The following LRP1B variants were observed in gnomAD, a reference collection of about 807,000 sequenced individuals.
LRP1B encodes the protein LDL receptor related protein 1B.
A neutral mutation model predicts 556.6 loss-of-function variants in LRP1B; 217 were observed. That is an observed-to-expected ratio of 0.39 (90% confidence interval 0.35 to 0.44). The LOEUF is 0.44. Ranked by LOEUF, LRP1B falls within the 20% of genes least tolerant of loss-of-function variation. LRP1B has a pLI of 1.00. For synonymous variants in LRP1B, 2,047 were observed against 1,865.8 expected (o/e 1.10, Z -2.50); for missense variants, 5,053 against 5,620.8 (o/e 0.90, Z 3.23).
chr2:141,124,356 T>C (rs980687000), intron 7 of LRP1B, among the ~76,000 whole-genome samples: 2 of 152,188 alleles, frequency 1.3e-5, no homozygotes, highest in Admixed American at 6.6e-5. Context: ...ACAAGAGCTA[T>C]GATAGTTAGA....
intron 68 of LRP1B, among the ~76,000 whole-genome samples, chr2:140,377,175 A>G (rs1683271997): frequency 2.0e-5 from 3 of 152,130 alleles, no homozygotes; most frequent in African/African-American, 4.8e-5. Context: ...TCCCAGGTTC[A>G]AGCGATTCCC....
chr2:141,675,188 T>G (rs1404035073), intron 2 of LRP1B, among the ~76,000 whole-genome samples: 1 of 151,980 alleles, frequency 6.6e-6, no homozygotes, highest in African/African-American at 2.4e-5. Flanking sequence ...AAACATTTCT[T>G]TCCATTCTTA....
chr2:141,310,481 C>T (rs1009548207), intron 3 of LRP1B, among the ~76,000 whole-genome samples: 3 of 152,138 alleles, frequency 2.0e-5, no homozygotes, highest in Non-Finnish European at 4.4e-5. Flanking sequence ...TATATACCTT[C>T]CATTCATCAT....
intron 1 of LRP1B, among the ~76,000 whole-genome samples, chr2:141,879,350 G>T (rs983072956): frequency 4.6e-5 from 7 of 151,844 alleles, no homozygotes; most frequent in African/African-American, 1.7e-4. Context: ...GAAAAACAAA[G>T]ACTTGATATA....
chr2:141,521,805 A>G (rs1200318423), intron 2 of LRP1B, among the ~76,000 whole-genome samples: 1 of 152,098 alleles, frequency 6.6e-6, no homozygotes, highest in Non-Finnish European at 1.5e-5. Context: ...TCTGGATTCT[A>G]TTAAGGACAA....
chr2:141,506,161 T>G (rs747268372), intron 2 of LRP1B, among the ~76,000 whole-genome samples: 12 of 152,102 alleles, frequency 7.9e-5, no homozygotes. Flanking sequence ...AACAGCTTTG[T>G]TAATGGATTT....
chr2:141,885,234 A>T (rs1366119824), intron 1 of LRP1B, among the ~76,000 whole-genome samples: 2 of 152,222 alleles, frequency 1.3e-5, no homozygotes. Context: ...TAGATAACAG[A>T]AAATTACAAA....
intron 7 of LRP1B, among the ~76,000 whole-genome samples, chr2:141,103,536 T>TCTCTCTCTCTCTCTCTCTCTCTCTC: frequency 1.4e-5 from 1 of 71,608 alleles, no homozygotes; most frequent in African/African-American, 4.4e-5. Context: ...CTCTCTCTCT[T>TCTCTCTCTCTCTCTCTCTCTCTCTC]AAAAAGTTCA....
chr2:141,256,923 A>G (rs1445110197), intron 3 of LRP1B, among the ~76,000 whole-genome samples: 1 of 152,080 alleles, frequency 6.6e-6, no homozygotes, highest in African/African-American at 2.4e-5. Context: ...GGTTACAAAT[A>G]AAAACACCCG....
chr2:141,533,313 T>G (rs951500959), intron 2 of LRP1B, among the ~76,000 whole-genome samples: 2 of 146,060 alleles, frequency 1.4e-5, no homozygotes, highest in Non-Finnish European at 3.0e-5. Flanking sequence ...AATTAGTGCG[T>G]GAAAGACAAC....
At chr2:141,991,447 C>T (rs7579302) in intron 1 of LRP1B, among the ~76,000 whole-genome samples, 96,576 of 151,858 alleles carry the variant, frequency 0.64, 31,106 homozygotes, top group African/African-American at 0.74. Flanking sequence ...ATTTCCTTAA[C>T]GGAGGAAAAC....
chr2:140,595,090 ATATAT>A (rs1682379833), intron 43 of LRP1B, among the ~76,000 whole-genome samples: 2 of 3,334 alleles, frequency 6.0e-4, no homozygotes, highest in African/African-American at 8.5e-4. Flanking sequence ...TAAATTGAAT[ATATAT>A]ATATATATAT....
chr2:142,119,895 A>G (rs940485810), intron 1 of LRP1B, among the ~76,000 whole-genome samples: 1 of 152,098 alleles, frequency 6.6e-6, no homozygotes, highest in Admixed American at 6.6e-5. Flanking sequence ...TGGTTTTAAT[A>G]GGGTGGTTAT....
chr2:141,225,868 TA>T (rs562172373), intron 6 of LRP1B, among the ~76,000 whole-genome samples: 59 of 152,222 alleles, frequency 3.9e-4, no homozygotes, highest in Middle Eastern at 3.4e-3. Flanking sequence ...TTCAGTGCTA[TA>T]AACTTCTACA....
At chr2:141,028,620 G>C (rs1698281464) in intron 11 of LRP1B, among the ~76,000 whole-genome samples, 1 of 152,162 alleles carries the variant, frequency 6.6e-6, no homozygotes, top group African/African-American at 2.4e-5. Flanking sequence ...CTTTTCGAAT[G>C]ATCAAAAAAT....
chr2:140,595,119 T>G (rs868745324), intron 43 of LRP1B, among the ~76,000 whole-genome samples: 2 of 107,180 alleles, frequency 1.9e-5, no homozygotes, highest in African/African-American at 4.4e-5. Flanking sequence ...TATATATATA[T>G]ATATATATAT....
chr2:140,970,214 G>T (rs1162343049), intron 18 of LRP1B, among the ~76,000 whole-genome samples: 1 of 152,106 alleles, frequency 6.6e-6, no homozygotes, highest in East Asian at 1.9e-4. Context: ...TGGAAGCTTT[G>T]TTCATTTCTT....
chr2:140,364,916 G>T, intron 71 of LRP1B, 133 bp from the exon 72 acceptor site: 2 of 628,470 alleles, frequency 3.2e-6, no homozygotes, highest in Non-Finnish European at 5.2e-6. Context: ...TTTATTTCAA[G>T]CATAATACCA....
At chr2:140,662,152 C>A (rs570378344) in intron 41 of LRP1B, among the ~76,000 whole-genome samples, 15 of 151,738 alleles carry the variant, frequency 9.9e-5, no homozygotes, top group African/African-American at 3.4e-4. Context: ...CATGATATAT[C>A]CATTATATAT....
Sources: allele counts gnomAD v4.1 joint callset (sites outside exome capture counted in the v4.1 genomes callset), GRCh38; gene constraint gnomAD v4.1.1; transcripts MANE v1.5; gene names NCBI Gene and HGNC (gene_info 2026-07-23, HGNC 2026-07-21).